IL15RA: variants seen among roughly 807,000 people sequenced by gnomAD.
IL15RA encodes interleukin-15 receptor subunit alpha.
IL15RA carries 26 observed loss-of-function variants against 24.2 expected under a neutral mutation model. The ratio of observed to expected loss-of-function variants is 1.07; its 90% confidence interval spans 0.79 to 1.49. The LOEUF is 1.49. Ranked by LOEUF, IL15RA falls within the 40% of genes most tolerant of loss-of-function variation. The probability of loss-of-function intolerance (pLI) is 0.00; values close to 1 mark genes in which losing one functional copy is unlikely to be tolerated. For synonymous variants in IL15RA, 166 were observed against 157.6 expected, an observed-to-expected ratio of 1.05 and a Z score of -0.40; for missense variants, 354 against 356.4, an observed-to-expected ratio of 0.99 and a Z score of 0.05.
At chr10:5,974,113 C>G (rs772100649) in intron 1 of IL15RA, among the ~76,000 whole-genome samples, 29 of 152,306 alleles carry the variant, frequency 1.9e-4, no homozygotes, top group Non-Finnish European at 5.9e-5. Context: ...GATTCTCCTG[C>G]CTCAGCCTCC....
rs1295137113 is a variant in IL15RA at position 5,970,437 on chromosome 10, C to G, written c.89-4098G>C. ...AAGGCATTTGCACTATATTATTTAT[C>G]ATTTCTGGGTGTTTTTGTAGCAGGA... On this transcript the variant is annotated intron_variant, in intron 1 of 6. Transcript: ENST00000379977. This position sits in a 1 kb window ranked among gnomAD's most constrained non-coding sequence, Gnocchi z 4.1. Among the ~76,000 whole-genome samples the G allele has an allele frequency of 2.0e-5, 3 of 152,172 alleles. No homozygotes were observed. The highest frequency in any genetic ancestry group is 4.4e-5 in the Non-Finnish European group (3 of 68,024).
At position 5,953,824 on chromosome 10, in the gene IL15RA, G is replaced by A. The variant is rs1834126678; in HGVS notation, c.693-618C>T. ...AAATCAATCAGCTCCCGAATGACAA[G>A]CACAGGCGAGGCAGGACACTGGTCA... On this transcript the variant is annotated intron_variant, in intron 6 of 6. Coordinates refer to ENST00000379977, the MANE Select transcript of IL15RA (RefSeq NM_002189.4). This position sits in a 1 kb window ranked among gnomAD's most constrained non-coding sequence, Gnocchi z 5.3. The A allele has an allele frequency of 6.1e-6, 1 of 164,420 alleles. No homozygotes were observed. Among genetic ancestry groups the A allele is most frequent in the South Asian group, 1.7e-4 (1 of 6,048 alleles). 10.2% of individuals were successfully genotyped at this position (164,420 alleles called of 1,614,324 possible).
In IL15RA at chr10:5,961,388, A is replaced by G. The variant is rs1424608052; in HGVS notation, c.383-821T>C. Reference sequence around the variant, plus strand: ...CATTGCACTCTAGCCTGGGGGACAGAGTGAGACCCCTGTCTCTTAAAAAAA... The same window carrying G: ...CATTGCACTCTAGCCTGGGGGACAGGGTGAGACCCCTGTCTCTTAAAAAAA... On this transcript the variant is annotated intron_variant, in intron 3 of 6. Coordinates refer to ENST00000379977, the MANE Select transcript of IL15RA (RefSeq NM_002189.4). The surrounding 1 kb of genome is among the most constrained non-coding windows in gnomAD (Gnocchi z 5.2). Among the ~76,000 whole-genome samples the G allele has an allele frequency of 6.6e-6, 1 of 151,414 alleles. No homozygotes were observed. Among genetic ancestry groups the G allele is most frequent in the East Asian group, 2.0e-4 (1 of 5,106 alleles).
intron 1 of IL15RA, among the ~76,000 whole-genome samples, chr10:5,972,643 A>C: frequency 6.6e-6 from 1 of 152,256 alleles, no homozygotes; most frequent in East Asian, 1.9e-4. Context: ...AACTGCATAC[A>C]TGCCCACATA....
In IL15RA at chr10:5,968,798, A is replaced by G. The variant is rs1252472809; in HGVS notation, c.89-2459T>C. On this transcript the variant is annotated intron_variant, in intron 1 of 6. Transcript: ENST00000379977. This position sits in a 1 kb window ranked among gnomAD's most constrained non-coding sequence, Gnocchi z 5.4. ...TACCTGCTTGCTGCCTGCTTGTCCG[A>G]TGGTGGTGGCACTGGGGGCAGTTTT... 17 of 714,046 alleles carry G rather than the reference A, an allele frequency of 2.4e-5. No individual in the cohort carries two copies. Among genetic ancestry groups the G allele is most frequent in the Non-Finnish European group, 4.0e-5 (16 of 395,810 alleles). The allele number at this position is 714,046 out of a possible 1,614,324, so 44.2% of individuals were successfully genotyped here. A position where few individuals can be genotyped will look rare whatever the true frequency, so the allele number is the denominator to read the frequency against.
In IL15RA at chr10:5,961,475, G is replaced by C. The variant is rs944751671; in HGVS notation, c.383-908C>G. On this transcript the variant is annotated intron_variant, in intron 3 of 6. Coordinates refer to ENST00000379977, the MANE Select transcript of IL15RA (RefSeq NM_002189.4). The surrounding 1 kb of genome is among the most constrained non-coding windows in gnomAD (Gnocchi z 5.2). ...TGAGTCGTTCAGCTTGTTTACTAGA[G>C]AAGGCAGGCCCAACGCTGGAGGCTC... 3.3e-5 allele frequency among the ~76,000 whole-genome samples: 5 copies of C among 152,228 alleles called. No homozygotes were observed. Among genetic ancestry groups the C allele is most frequent in the African/African-American group, 1.2e-4 (5 of 41,476 alleles).
chr10:5,957,390 C>T (rs1440082757), intron 5 of IL15RA, among the ~76,000 whole-genome samples: 1 of 152,068 alleles, frequency 6.6e-6, no homozygotes, highest in Non-Finnish European at 1.5e-5. Context: ...ATTCTCCTGC[C>T]TCAGCCTCCC....
chr10:5,949,359 T>A (rs1347037510), downstream of IL15RA: 1 of 470,788 alleles, frequency 2.1e-6, no homozygotes, highest in Non-Finnish European at 4.4e-6. The surrounding 1 kb of genome is among the most constrained non-coding windows in gnomAD (Gnocchi z 4.4). Flanking sequence ...AAGTAAAGTG[T>A]CAATTAAATC....
chr10:5,960,408 T>C lies in IL15RA; in HGVS notation c.542A>G (p.Lys181Arg). ...GGCGGATGCTGTGAGTTCCCAGTTC[T>C]TGGCTGTTGTCTGAGAGGGGGTGCC... Reference protein sequence around the residue: ...SHGTPSQTTAKNWELTASASH... With the variant: ...SHGTPSQTTARNWELTASASH... Residue 181 changes from lysine to arginine, a missense_variant, in exon 4 of 7, where the codon AAG (lysine) becomes AGG (arginine). Coordinates refer to ENST00000379977, the MANE Select transcript of IL15RA (RefSeq NM_002189.4). The surrounding 1 kb of genome is among the most constrained non-coding windows in gnomAD (Gnocchi z 5.1). The C allele has an allele frequency of 6.2e-7, 1 of 1,614,078 alleles. No homozygotes were observed. Among genetic ancestry groups the C allele is most frequent in the Non-Finnish European group, 8.5e-7 (1 of 1,179,994 alleles).
chr10:5,953,394 TA>T lies in IL15RA; in HGVS notation c.693-189del. 1 of 711,138 alleles carries T rather than the reference TA, an allele frequency of 1.4e-6. No individual in the cohort carries two copies. The highest frequency in any genetic ancestry group is 2.7e-5 in the East Asian group (1 of 37,274). The allele number at this position is 711,138 out of a possible 1,614,324, so 44.1% of individuals were successfully genotyped here. A position where few individuals can be genotyped will look rare whatever the true frequency, so the allele number is the denominator to read the frequency against. Reference sequence around the variant, plus strand: ...GGAGAGAACCTAGAATGCCTACCTCTACCGAGTGTATTAAATCCTATCTAGG... The same window carrying T: ...GGAGAGAACCTAGAATGCCTACCTCTCCGAGTGTATTAAATCCTATCTAGG... On this transcript the variant is annotated intron_variant, in intron 6 of 6. Coordinates refer to ENST00000379977, the MANE Select transcript of IL15RA (RefSeq NM_002189.4). The surrounding 1 kb of genome is among the most constrained non-coding windows in gnomAD (Gnocchi z 5.3).
In IL15RA at chr10:5,953,184, C is replaced by T. The variant is rs141171117; in HGVS notation, c.715G>A (p.Val239Ile). The change falls in exon 7 of 7, where the codon GTT becomes ATT. Residue 239 changes from valine to isoleucine, a missense_variant. Val to Ile is a conservative substitution (Grantham distance 29). Transcript: ENST00000379977. This position sits in a 1 kb window ranked among gnomAD's most constrained non-coding sequence, Gnocchi z 5.3. ...KSRQTPPLAS[V>I]EMEAMEALPV... ...AGAGCCTCCATGGCTTCCATTTCAA[C>T]GCTGGCCAGCGGGGGAGTTTGCCTG... is the stretch of plus-strand genomic sequence containing the variant. 1,284 of 1,614,152 alleles carry T rather than the reference C, an allele frequency of 8.0e-4. 8 individuals carry two copies. The African/African-American group carries it at 0.011, about 14-fold the overall frequency.
rs904684961 is a variant in IL15RA, at chr10:5,975,653, G to T, written c.88+1752C>A. The stretch of plus-strand genomic sequence containing the variant: ...TGTAATCCCAGCACTTTGGAAGGCC[G>T]AGGCGGGCAGATCACAAGGTCAGGA... On this transcript the variant is annotated intron_variant, in intron 1 of 6. Transcript: ENST00000379977. The surrounding 1 kb of genome is among the most constrained non-coding windows in gnomAD (Gnocchi z 4.8). Among the ~76,000 whole-genome samples, 1 of 152,154 alleles carries T rather than the reference G, an allele frequency of 6.6e-6. No homozygotes were observed. The highest frequency in any genetic ancestry group is 1.5e-5 in the Non-Finnish European group (1 of 68,028).
rs377753616 is a variant in IL15RA at position 5,966,107 on chromosome 10, G to T, written c.283+38C>A. On this transcript the variant is annotated intron_variant, in intron 2 of 6. Coordinates refer to ENST00000379977, the MANE Select transcript of IL15RA (RefSeq NM_002189.4). This position sits in a 1 kb window ranked among gnomAD's most constrained non-coding sequence, Gnocchi z 6.4. The stretch of plus-strand genomic sequence containing the variant: ...TCTCTCTGTGCAGCCTTGGCAGGGT[G>T]GGGGAGGGAGGAAGGTGGGGTGGCA... The T allele has an allele frequency of 3.1e-5, 44 of 1,417,158 alleles. No homozygotes were observed. The highest frequency in any genetic ancestry group is 3.5e-5 in the South Asian group (3 of 84,512). The allele number at this position is 1,417,158 out of a possible 1,614,324, so 87.8% of individuals were successfully genotyped here.
chr10:5,973,333 A>G lies in IL15RA; in HGVS notation c.88+4072T>C, dbSNP rs961437754. Among the ~76,000 whole-genome samples, 2 of 152,228 alleles carry G rather than the reference A, an allele frequency of 1.3e-5. No individual in the cohort carries two copies. Among genetic ancestry groups the G allele is most frequent in the Admixed American group, 1.3e-4 (2 of 15,282 alleles). On this transcript the variant is annotated intron_variant, in intron 1 of 6. Transcript: ENST00000379977. This position sits in a 1 kb window ranked among gnomAD's most constrained non-coding sequence, Gnocchi z 4.5. ...TCTAAGCAATGCTTTGTAGTTTTCC[A>G]TATATGAAAGATGTCTTTCACATCT...
Position 5,977,484 on chromosome 10 carries a change from CG to C in IL15RA, c.8del (p.Pro3ArgfsTer70). On this transcript the variant is annotated frameshift_variant, in exon 1 of 7. Coordinates refer to ENST00000379977, the MANE Select transcript of IL15RA (RefSeq NM_002189.4). LOFTEE classifies it high-confidence loss of function. MA[P>X]RRARGCRTLG... ...GGGTCCGGCAGCCGCGCGCCCGCCGCGGGGCCATGGCGGCAGCTCCACAGGA... is the reference window on the plus strand; with the variant it reads ...GGGTCCGGCAGCCGCGCGCCCGCCGCGGGCCATGGCGGCAGCTCCACAGGA... 7.4e-7 allele frequency: 1 copy of C among 1,356,568 alleles called. No homozygotes were observed. Among genetic ancestry groups the C allele is most frequent in the Non-Finnish European group, 9.5e-7 (1 of 1,056,238 alleles). The allele number at this position is 1,356,568 out of a possible 1,614,324, so 84.0% of individuals were successfully genotyped here.
rs965568915 is a variant in IL15RA, at chr10:5,973,957, T to C, written c.88+3448A>G. ...CGTATCCAGAATATATAAAGAACTC[T>C]CAAAATTCAGTAATGATACAATTCA... On this transcript the variant is annotated intron_variant, in intron 1 of 6. Coordinates refer to ENST00000379977, the MANE Select transcript of IL15RA (RefSeq NM_002189.4). The surrounding 1 kb of genome is among the most constrained non-coding windows in gnomAD (Gnocchi z 4.5). Among the ~76,000 whole-genome samples the C allele has an allele frequency of 6.6e-6, 1 of 151,306 alleles. No individual in the cohort carries two copies. The highest frequency in any genetic ancestry group is 2.4e-5 in the African/African-American group (1 of 41,108).
chr10:5,968,517 A>G lies in IL15RA; in HGVS notation c.89-2178T>C. The G allele has an allele frequency of 4.1e-6, 2 of 493,728 alleles. No homozygotes were observed. The highest frequency in any genetic ancestry group is 7.2e-5 in the East Asian group (2 of 27,608). 30.6% of individuals were successfully genotyped at this position (493,728 alleles called of 1,614,324 possible). On this transcript the variant is annotated intron_variant, in intron 1 of 6. Transcript: ENST00000379977. This position sits in a 1 kb window ranked among gnomAD's most constrained non-coding sequence, Gnocchi z 5.4. ...TTCCAATGAGGACACATCTTCTGCTAAGCTGATGGCGTGAGAGATGGAGTC... is the reference window on the plus strand; with the variant it reads ...TTCCAATGAGGACACATCTTCTGCTGAGCTGATGGCGTGAGAGATGGAGTC...
Position 5,967,624 on chromosome 10 carries a change from A to G in IL15RA, c.89-1285T>C, listed in dbSNP as rs1305705357. On this transcript the variant is annotated intron_variant, in intron 1 of 6. Transcript: ENST00000379977. This position sits in a 1 kb window ranked among gnomAD's most constrained non-coding sequence, Gnocchi z 4.4. Reference sequence around the variant, plus strand: ...ATTCATACATTTTGGAATGCTTTCCATTCCCAGGATATAGTGCATTGGAGA... The same window carrying G: ...ATTCATACATTTTGGAATGCTTTCCGTTCCCAGGATATAGTGCATTGGAGA... Among the ~76,000 whole-genome samples, 1 of 152,240 alleles carries G rather than the reference A, an allele frequency of 6.6e-6. No individual in the cohort carries two copies. The highest frequency in any genetic ancestry group is 1.5e-5 in the Non-Finnish European group (1 of 68,044).
rs934748129 is a variant in IL15RA, at chr10:5,963,471, G to C, written c.382+272C>G. ...CAGTCTGCTTTCAGTTCTTGACAAA[G>C]ATAAGTGTCTACAACTAAATTTGAT... On this transcript the variant is annotated intron_variant, in intron 3 of 6. Coordinates refer to ENST00000379977, the MANE Select transcript of IL15RA (RefSeq NM_002189.4). This position sits in a 1 kb window ranked among gnomAD's most constrained non-coding sequence, Gnocchi z 5.3. 1.4e-4 allele frequency among the ~76,000 whole-genome samples: 22 copies of C among 152,216 alleles called. No individual in the cohort carries two copies. The highest frequency in any genetic ancestry group is 5.3e-4 in the African/African-American group (22 of 41,452).
Sources: allele counts gnomAD v4.1 joint callset (sites outside exome capture counted in the v4.1 genomes callset), GRCh38; gene constraint gnomAD v4.1.1; non-coding constraint Gnocchi (gnomAD v3.1); transcripts MANE v1.5; gene names NCBI Gene and HGNC (gene_info 2026-07-23, HGNC 2026-07-21).